Variants in C17orf75 observed in about 807,000 individuals in gnomAD.
C17orf75 encodes chromosome 17 open reading frame 75, also known as protein Njmu-R1.
Under a neutral mutation model 49.6 loss-of-function variants are expected in C17orf75, and 32 were observed. The observed-to-expected ratio is 0.65, with a 90% CI of 0.49 to 0.87. The LOEUF (loss-of-function observed/expected upper bound fraction) is 0.87. Ranked by LOEUF, C17orf75 falls within the 40% of genes least tolerant of loss-of-function variation. C17orf75 has a pLI of 0.00. For missense variants in C17orf75, 428 were observed against 473.9 expected (o/e 0.90, Z 0.90); for synonymous variants, 158 against 159.5 (o/e 0.99, Z 0.07).
intron 4 of C17orf75, 22 bp from the exon 5 acceptor site, chr17:32,337,976 A>G: frequency 5.7e-6 from 9 of 1,586,796 alleles, no homozygotes; most frequent in Non-Finnish European, 7.7e-6. Flanking sequence ...AGGAAGCAAT[A>G]AAGGATGAAT....
chr17:32,333,611 C>G (rs568333330), intron 8 of C17orf75, 91 bp from the exon 9 acceptor site: 3 of 1,204,846 alleles, frequency 2.5e-6, no homozygotes, highest in Non-Finnish European at 3.6e-6. Context: ...GCTCTTGTTG[C>G]CCGGCTGGAG....
chr17:32,344,701 G>C (rs2041411999), upstream of C17orf75, among the ~76,000 whole-genome samples: 1 of 152,086 alleles, frequency 6.6e-6, no homozygotes, highest in Non-Finnish European at 1.5e-5. Context: ...TAGGTCAGGA[G>C]TTTGAAGCCA....
At chr17:32,349,878 C>T (rs1039448574) in intron 1 of C17orf75, 5 of 1,030,140 alleles carry the variant, frequency 4.9e-6, no homozygotes, top group Non-Finnish European at 5.9e-6. Context: ...TCGGCCCTAA[C>T]TGCACTGGCA....
At chr17:32,340,199 C>T (rs1457393196) in intron 2 of C17orf75, among the ~76,000 whole-genome samples, 2 of 152,214 alleles carry the variant, frequency 1.3e-5, no homozygotes, top group East Asian at 3.8e-4. Context: ...ACTGACCCTA[C>T]CTCTTTTTCA....
chr17:32,339,418 A>AG, intron 3 of C17orf75, among the ~76,000 whole-genome samples: 1 of 151,742 alleles, frequency 6.6e-6, no homozygotes, highest in East Asian at 1.9e-4. Context: ...TAAAAAAAAA[A>AG]AAAAAAAAAA....
upstream of C17orf75, chr17:32,343,884 C>T (rs1399915336): frequency 2.9e-6 from 2 of 679,096 alleles, no homozygotes; most frequent in Non-Finnish European, 5.4e-6. Context: ...TGAGTTACCA[C>T]AGTCATGAGG....
At chr17:32,340,538 G>A (rs1160354373) in intron 2 of C17orf75, among the ~76,000 whole-genome samples, 2 of 151,770 alleles carry the variant, frequency 1.3e-5, no homozygotes, top group South Asian at 2.1e-4. Context: ...CTAGCTACTC[G>A]GGAGGCTGAG....
chr17:32,334,753 C>A, intron 7 of C17orf75, 22 bp downstream of exon 7: 1 of 1,582,164 alleles, frequency 6.3e-7, no homozygotes, highest in South Asian at 1.1e-5. Flanking sequence ...AAGCTTTTCT[C>A]TTTGAAAAAA....
chr17:32,342,260 C>G (rs996488187), upstream of C17orf75: 15 of 1,366,304 alleles, frequency 1.1e-5, no homozygotes, highest in Non-Finnish European at 1.4e-5. Context: ...GCTGGTTTCC[C>G]CGGGTTCGCA....
At position 32,329,197 on chromosome 17, in the gene C17orf75, G is replaced by A. The variant is rs1056885246; in HGVS notation, c.*2566C>T. Reference sequence around the variant, plus strand: ...TTCTCCTGCCTCAGCCTCCCGAGTAGCTGGAACTACAGACGCCTGCCACCA... The same window carrying A: ...TTCTCCTGCCTCAGCCTCCCGAGTAACTGGAACTACAGACGCCTGCCACCA... On this transcript the variant is annotated 3_prime_UTR_variant, in exon 10 of 10. Coordinates refer to ENST00000577809, the MANE Select transcript of C17orf75 (RefSeq NM_022344.4). 1 of 152,046 alleles carries A rather than the reference G, an allele frequency of 6.6e-6. No homozygotes were observed. The highest frequency in any genetic ancestry group is 2.4e-5 in the African/African-American group (1 of 41,324). The allele number at this position is 152,046 out of a possible 1,614,324, so 9.4% of individuals were successfully genotyped here.
upstream of C17orf75, among the ~76,000 whole-genome samples, chr17:32,344,669 G>A (rs1437345511): frequency 6.6e-6 from 1 of 151,880 alleles, no homozygotes; most frequent in Admixed American, 6.6e-5. Flanking sequence ...AGCACTTTGG[G>A]AGGCCGAGGT....
At chr17:32,342,877 C>T (rs993795854), upstream of C17orf75, among the ~76,000 whole-genome samples, 1 of 152,214 alleles carries the variant, frequency 6.6e-6, no homozygotes, top group Non-Finnish European at 1.5e-5. Flanking sequence ...TTCACATTTT[C>T]AGGTGTTTGT....
At chr17:32,349,483 A>C (rs2041462450) in intron 1 of C17orf75, among the ~76,000 whole-genome samples, 1 of 152,128 alleles carries the variant, frequency 6.6e-6, no homozygotes, top group South Asian at 2.1e-4. Context: ...CGGGAGGCTG[A>C]GGTAGGAGAA....
At chr17:32,339,500 T>C (rs946913511) in intron 3 of C17orf75, among the ~76,000 whole-genome samples, 5 of 151,580 alleles carry the variant, frequency 3.3e-5, no homozygotes, top group African/African-American at 7.3e-5. Flanking sequence ...GGTGAGAGGA[T>C]TGATTAAGCC....
intron 2 of C17orf75, 94 bp from the exon 3 acceptor site, chr17:32,340,032 T>G: frequency 6.8e-7 from 1 of 1,473,958 alleles, no homozygotes; most frequent in Non-Finnish European, 9.1e-7. Context: ...AGGGGCTCTT[T>G]TAAGGACTGG....
At chr17:32,344,259 G>A (rs920648873), upstream of C17orf75, 22 of 319,350 alleles carry the variant, frequency 6.9e-5, no homozygotes, top group African/African-American at 2.8e-4. Flanking sequence ...CCATCCTCCC[G>A]AAGTGCTGAC....
intron 5 of C17orf75, among the ~76,000 whole-genome samples, chr17:32,336,113 G>A (rs774408883): frequency 1.3e-5 from 2 of 152,202 alleles, no homozygotes; most frequent in Non-Finnish European, 2.9e-5. Flanking sequence ...CTCTCCTGCA[G>A]TATCTTCTAA....
chr17:32,336,225 C>T (rs1456729275), intron 5 of C17orf75, among the ~76,000 whole-genome samples: 1 of 152,042 alleles, frequency 6.6e-6, no homozygotes, highest in African/African-American at 2.4e-5. Context: ...TTTTTGTTTG[C>T]TTTTTTGAGA....
rs561928207 is a variant in C17orf75, at chr17:32,339,700, G to T, written c.347+113C>A. On this transcript the variant is annotated intron_variant, in intron 3 of 9. Transcript: ENST00000577809. ...GAGGCCCAGTGCTCGGGCTGCCAGA[G>T]AATAAAGACAAATTCTGCAGGTCTA... 7.6e-5 allele frequency: 108 copies of T among 1,422,640 alleles called. 1 individual carries two copies. In the South Asian group the frequency reaches 1.4e-3, roughly 18 times the overall value. The allele number at this position is 1,422,640 out of a possible 1,614,324, so 88.1% of individuals were successfully genotyped here.
Sources: allele counts gnomAD v4.1 joint callset (sites outside exome capture counted in the v4.1 genomes callset), GRCh38; gene constraint gnomAD v4.1.1; transcripts MANE v1.5; gene names NCBI Gene and HGNC (gene_info 2026-07-23, HGNC 2026-07-21).